MAP2K5: variants seen among roughly 807,000 people sequenced by gnomAD.
The protein encoded by MAP2K5 is mitogen-activated protein kinase kinase 5, also known as dual specificity mitogen-activated protein kinase kinase 5.
A neutral mutation model predicts 83.1 loss-of-function variants in MAP2K5; 49 were observed. That is an observed-to-expected ratio of 0.59 (90% CI 0.47 to 0.75). MAP2K5 has a LOEUF of 0.75. Ranked by LOEUF, MAP2K5 falls within the 30% of genes least tolerant of loss-of-function variation. The pLI is 0.00. For synonymous variants in MAP2K5, 202 were observed against 191.8 expected (o/e 1.05, Z -0.44); for missense variants, 457 against 557.5 (o/e 0.82, Z 1.82).
intron 3 of MAP2K5, among the ~76,000 whole-genome samples, chr15:67,578,855 G>C (rs1027041795): frequency 6.6e-6 from 1 of 152,118 alleles, no homozygotes; most frequent in African/African-American, 2.4e-5. Context: ...CACCTGTTCT[G>C]ACCCTTTACA....
intron 7 of MAP2K5, among the ~76,000 whole-genome samples, chr15:67,597,930 G>A (rs920827083): frequency 1.3e-5 from 2 of 152,084 alleles, no homozygotes; most frequent in Non-Finnish European, 2.9e-5. Context: ...CAGGCCGGGC[G>A]TGGTCGCTCA....
At chr15:67,741,373 G>A (rs2089488131) in intron 17 of MAP2K5, among the ~76,000 whole-genome samples, 2 of 152,184 alleles carry the variant, frequency 1.3e-5, no homozygotes, top group Admixed American at 1.3e-4. Context: ...ACTTGACTCA[G>A]CAATTCATAT....
chr15:67,630,357 A>C (rs1311863756), intron 8 of MAP2K5, among the ~76,000 whole-genome samples: 1 of 152,194 alleles, frequency 6.6e-6, no homozygotes, highest in African/African-American at 2.4e-5. Flanking sequence ...TATTGATTTA[A>C]GTTGTAGTTA....
chr15:67,626,880 G>A (rs1181756681), intron 8 of MAP2K5, among the ~76,000 whole-genome samples: 9 of 152,110 alleles, frequency 5.9e-5, no homozygotes, highest in Non-Finnish European at 1.3e-4. Context: ...TCCAGCCTGG[G>A]AGACAGAATG....
chr15:67,664,784 A>C (rs1362080547), intron 13 of MAP2K5, 139 bp downstream of exon 13: 5 of 500,674 alleles, frequency 1.0e-5, no homozygotes, highest in Non-Finnish European at 1.8e-5. Context: ...TGCTCTATAA[A>C]TGTTATTTTT....
Position 67,638,012 on chromosome 15 carries a change from C to CT in MAP2K5, c.585+7093dup, listed in dbSNP as rs1026479114. On this transcript the variant is annotated intron_variant, in intron 9 of 21. Transcript: ENST00000178640. The surrounding 1 kb of genome is among the most constrained non-coding windows in gnomAD (Gnocchi z 4.5). ...TAACTTTTAATTTAACTTTTTTTAACTTTTTTTTACTTTTAATTTTTTAAA... is the reference window on the plus strand; with the variant it reads ...TAACTTTTAATTTAACTTTTTTTAACTTTTTTTTTACTTTTAATTTTTTAAA... Among the ~76,000 whole-genome samples, 39 of 149,334 alleles carry CT rather than the reference C, an allele frequency of 2.6e-4. No homozygotes were observed. The highest frequency in any genetic ancestry group is 9.3e-4 in the African/African-American group (38 of 40,672).
At chr15:67,694,253 A>G (rs1391465948) in intron 15 of MAP2K5, among the ~76,000 whole-genome samples, 4 of 152,018 alleles carry the variant, frequency 2.6e-5, no homozygotes, top group Non-Finnish European at 2.9e-5. Flanking sequence ...AGTCAAAGGG[A>G]AAAAAAATTA....
At position 67,746,217 on chromosome 15, in the gene MAP2K5, G is replaced by A. The variant is rs1321771062; in HGVS notation, c.1075-2014G>A. ...TGATTCACACAACTCATATGTTTCTGGGGACAGTGTTTCATAATCCATTTC... is the reference window on the plus strand; with the variant it reads ...TGATTCACACAACTCATATGTTTCTAGGGACAGTGTTTCATAATCCATTTC... On this transcript the variant is annotated intron_variant, in intron 17 of 21. Coordinates refer to ENST00000178640, the MANE Select transcript of MAP2K5 (RefSeq NM_145160.3). This position sits in a 1 kb window ranked among gnomAD's most constrained non-coding sequence, Gnocchi z 4.1. Among the ~76,000 whole-genome samples, 1 of 152,104 alleles carries A rather than the reference G, an allele frequency of 6.6e-6. No homozygotes were observed. Among genetic ancestry groups the A allele is most frequent in the Non-Finnish European group, 1.5e-5 (1 of 68,022 alleles).
chr15:67,560,564 C>G (rs1033282603), intron 2 of MAP2K5, among the ~76,000 whole-genome samples: 3 of 152,236 alleles, frequency 2.0e-5, no homozygotes, highest in Non-Finnish European at 4.4e-5. Flanking sequence ...CTTTTGGAGT[C>G]AGACCCCCTA....
chr15:67,713,446 G>T (rs1027241901), intron 16 of MAP2K5, among the ~76,000 whole-genome samples: 3 of 152,166 alleles, frequency 2.0e-5, no homozygotes, highest in African/African-American at 7.2e-5. Context: ...TATTTAAAAG[G>T]TGGCATGGGC....
chr15:67,598,349 A>G (rs1309575129), intron 7 of MAP2K5, among the ~76,000 whole-genome samples: 1 of 152,220 alleles, frequency 6.6e-6, no homozygotes, highest in Non-Finnish European at 1.5e-5. Flanking sequence ...TGGTTCCAGA[A>G]CTTGCTCTTC....
chr15:67,783,362 G>A lies in MAP2K5; in HGVS notation c.1242+10610G>A, dbSNP rs761912735. On this transcript the variant is annotated intron_variant, in intron 21 of 21. Coordinates refer to ENST00000178640, the MANE Select transcript of MAP2K5 (RefSeq NM_145160.3). This position sits in a 1 kb window ranked among gnomAD's most constrained non-coding sequence, Gnocchi z 5.1. ...TCAGGCCACTCCTGTGGAGTCCTGT[G>A]CTCCAAACTTCTGGCAGTCCCCAGA... 3.8e-4 allele frequency among the ~76,000 whole-genome samples: 58 copies of A among 152,176 alleles called. No individual in the cohort carries two copies. The highest frequency in any genetic ancestry group is 2.9e-4 in the Non-Finnish European group (20 of 68,050).
intron 11 of MAP2K5, among the ~76,000 whole-genome samples, chr15:67,650,844 G>C (rs936943455): frequency 6.6e-6 from 1 of 152,136 alleles, no homozygotes; most frequent in Non-Finnish European, 1.5e-5. Flanking sequence ...TGGCCTTATA[G>C]AATGAGTTTG....
intron 8 of MAP2K5, among the ~76,000 whole-genome samples, chr15:67,609,721 A>G (rs150961539): frequency 6.6e-6 from 1 of 151,110 alleles, no homozygotes; most frequent in Non-Finnish European, 1.5e-5. Context: ...TAGACTTTGC[A>G]TATTCTATAA....
chr15:67,604,171 G>A (rs184816091), intron 8 of MAP2K5, among the ~76,000 whole-genome samples: 5 of 152,354 alleles, frequency 3.3e-5, no homozygotes, highest in Admixed American at 2.0e-4. Context: ...TCTGTGTGCT[G>A]TCTCCTGACG....
chr15:67,597,636 G>A (rs10518734), intron 7 of MAP2K5, among the ~76,000 whole-genome samples: 107,224 of 152,100 alleles, frequency 0.7, 38,286 homozygotes, highest in Middle Eastern at 0.81. Flanking sequence ...TTGAAAAGTC[G>A]AATTAATATC....
intron 11 of MAP2K5, among the ~76,000 whole-genome samples, chr15:67,648,529 C>T (rs1197487250): frequency 6.6e-6 from 1 of 150,516 alleles, no homozygotes; most frequent in African/African-American, 2.4e-5. Flanking sequence ...AATAATGCTA[C>T]TCTATATATT....
rs989464753 is a variant in MAP2K5, at chr15:67,781,511, C to A, written c.1242+8759C>A. Among the ~76,000 whole-genome samples the A allele has an allele frequency of 6.6e-6, 1 of 152,110 alleles. No homozygotes were observed. The highest frequency in any genetic ancestry group is 2.4e-5 in the African/African-American group (1 of 41,408). Reference sequence around the variant, plus strand: ...AGAAAGGCAGTAGAGACATTTGGGCCTACCGTCCTCTATTTAATTTTCAAG... The same window carrying A: ...AGAAAGGCAGTAGAGACATTTGGGCATACCGTCCTCTATTTAATTTTCAAG... On this transcript the variant is annotated intron_variant, in intron 21 of 21. Transcript: ENST00000178640. This position sits in a 1 kb window ranked among gnomAD's most constrained non-coding sequence, Gnocchi z 4.0.
chr15:67,712,051 G>T (rs899506815), intron 16 of MAP2K5, among the ~76,000 whole-genome samples: 1 of 152,220 alleles, frequency 6.6e-6, no homozygotes, highest in African/African-American at 2.4e-5. Flanking sequence ...ACTGAGTGGA[G>T]CGTTTTCTGG....
Sources: allele counts gnomAD v4.1 joint callset (sites outside exome capture counted in the v4.1 genomes callset), GRCh38; gene constraint gnomAD v4.1.1; non-coding constraint Gnocchi (gnomAD v3.1); transcripts MANE v1.5; gene names NCBI Gene and HGNC (gene_info 2026-07-23, HGNC 2026-07-21).